Variants in NUDCD3 observed in about 807,000 individuals in gnomAD.
The protein encoded by NUDCD3 is NudC domain containing 3.
In NUDCD3, 13 loss-of-function variants were observed where a neutral mutation model predicts 39.7. The observed-to-expected ratio is 0.33, with a 90% CI of 0.21 to 0.52. The LOEUF (loss-of-function observed/expected upper bound fraction) is 0.52. Ranked by LOEUF, NUDCD3 falls within the 20% of genes least tolerant of loss-of-function variation. The probability of loss-of-function intolerance (pLI) is 0.96; values close to 1 mark genes in which losing one functional copy is unlikely to be tolerated. For synonymous variants in NUDCD3, 175 were observed against 172.4 expected, an observed-to-expected ratio of 1.02 and a Z score of -0.12; for missense variants, 453 against 458.1, an observed-to-expected ratio of 0.99 and a Z score of 0.10.
At chr7:44,408,246 T>C (rs1393176780) in intron 3 of NUDCD3, among the ~76,000 whole-genome samples, 1 of 152,194 alleles carries the variant, frequency 6.6e-6, no homozygotes, top group East Asian at 1.9e-4. Flanking sequence ...TTCTACATTA[T>C]ATATCACTTT....
chr7:44,408,419 T>G (rs1279466842), intron 3 of NUDCD3, among the ~76,000 whole-genome samples: 1 of 152,146 alleles, frequency 6.6e-6, no homozygotes, highest in Non-Finnish European at 1.5e-5. Context: ...GAAAGAGATT[T>G]CTAGACAATA....
intron 2 of NUDCD3, chr7:44,481,530 C>G (rs1800490944): frequency 6.6e-6 from 1 of 152,252 alleles, no homozygotes; most frequent in African/African-American, 2.4e-5. Flanking sequence ...AATACCTTGA[C>G]AGCCATGCCA....
intron 3 of NUDCD3, among the ~76,000 whole-genome samples, chr7:44,423,941 G>A (rs1258197659): frequency 6.6e-6 from 1 of 152,056 alleles, no homozygotes; most frequent in East Asian, 1.9e-4. Context: ...GGTACCAAAA[G>A]AGATATATAA....
rs1798270292 is a variant in NUDCD3, at chr7:44,379,319, T to TC, written c.*6691dup. 7.4e-6 allele frequency: 1 copy of TC among 134,716 alleles called. No homozygotes were observed. The highest frequency in any genetic ancestry group is 2.8e-5 in the African/African-American group (1 of 35,092). 8.3% of individuals were successfully genotyped at this position (134,716 alleles called of 1,614,324 possible). The stretch of plus-strand genomic sequence containing the variant: ...AAAAAAAACTTTTAAAATGACCATA[T>TC]CATGGAAAATTCTGGAGAGCAGTTA... On this transcript the variant is annotated 3_prime_UTR_variant, in exon 6 of 6. Coordinates refer to ENST00000355451, the MANE Select transcript of NUDCD3 (RefSeq NM_015332.4).
intron 2 of NUDCD3, among the ~76,000 whole-genome samples, chr7:44,484,210 T>C (rs962636626): frequency 2.6e-5 from 4 of 152,206 alleles, no homozygotes; most frequent in Middle Eastern, 3.2e-3. Flanking sequence ...TTGCAGACAC[T>C]ACTACAACTC....
chr7:44,480,326 T>C (rs759388276), intron 2 of NUDCD3, among the ~76,000 whole-genome samples: 20 of 152,122 alleles, frequency 1.3e-4, no homozygotes, highest in Non-Finnish European at 1.8e-4. Flanking sequence ...ACAGAAAAAT[T>C]AGAAAATATA....
chr7:44,421,056 A>T (rs1799127408), intron 3 of NUDCD3, among the ~76,000 whole-genome samples: 1 of 152,214 alleles, frequency 6.6e-6, no homozygotes, highest in Non-Finnish European at 1.5e-5. Context: ...CAGATGGGCC[A>T]GGAGTGGTGG....
intron 2 of NUDCD3, among the ~76,000 whole-genome samples, chr7:44,473,959 C>G (rs6943551): frequency 0.13 from 19,548 of 151,956 alleles, 1,666 homozygotes; most frequent in Non-Finnish European, 0.19. Flanking sequence ...AATTAGGACA[C>G]TATAAGAAAA....
chr7:44,412,937 A>G (rs1014398332), intron 3 of NUDCD3, among the ~76,000 whole-genome samples: 5 of 146,114 alleles, frequency 3.4e-5, no homozygotes, highest in Admixed American at 6.7e-5. Context: ...AAAAAAAAAA[A>G]AAAAAGAAAA....
At chr7:44,478,975 G>C (rs1800435605) in intron 2 of NUDCD3, among the ~76,000 whole-genome samples, 1 of 152,180 alleles carries the variant, frequency 6.6e-6, no homozygotes, top group Admixed American at 6.5e-5. Flanking sequence ...GCATGGCTGG[G>C]GAGGCCTCAG....
At chr7:44,483,418 C>G (rs1225116432) in intron 2 of NUDCD3, among the ~76,000 whole-genome samples, 1 of 152,110 alleles carries the variant, frequency 6.6e-6, no homozygotes, top group African/African-American at 2.4e-5. Context: ...GACAAAAAAG[C>G]TGAAAGAATT....
At chr7:44,386,695 G>A (rs931756919) in intron 5 of NUDCD3, among the ~76,000 whole-genome samples, 1 of 152,194 alleles carries the variant, frequency 6.6e-6, no homozygotes, top group Non-Finnish European at 1.5e-5. Flanking sequence ...TGGTAGACCC[G>A]TCAGTCAGGA....
chr7:44,471,005 A>ATTAT (rs1275734471), intron 2 of NUDCD3, among the ~76,000 whole-genome samples: 2 of 152,256 alleles, frequency 1.3e-5, no homozygotes, highest in African/African-American at 2.4e-5. Context: ...AACTTCAATC[A>ATTAT]TTATTTGTTC....
intron 2 of NUDCD3, among the ~76,000 whole-genome samples, chr7:44,471,219 A>G (rs1800249755): frequency 6.6e-6 from 1 of 152,244 alleles, no homozygotes; most frequent in African/African-American, 2.4e-5. Context: ...ATCAAATGGT[A>G]TAGTATTTGC....
intron 2 of NUDCD3, among the ~76,000 whole-genome samples, chr7:44,440,039 A>G (rs1185679072): frequency 6.6e-6 from 1 of 152,178 alleles, no homozygotes; most frequent in African/African-American, 2.4e-5. Context: ...CCATCCTCCT[A>G]GGAAGCAGGA....
chr7:44,434,052 C>A (rs933986725), intron 2 of NUDCD3, among the ~76,000 whole-genome samples: 3 of 152,160 alleles, frequency 2.0e-5, no homozygotes, highest in African/African-American at 7.2e-5. Context: ...ACAAAATAAG[C>A]ATTATTATAA....
intron 2 of NUDCD3, among the ~76,000 whole-genome samples, chr7:44,463,672 A>T (rs1800060945): frequency 6.6e-6 from 1 of 152,186 alleles, no homozygotes; most frequent in Non-Finnish European, 1.5e-5. Flanking sequence ...AATCTTAAAC[A>T]TTAAAAACTG....
chr7:44,485,887 AAC>A (rs1301599672), intron 1 of NUDCD3, among the ~76,000 whole-genome samples: 2 of 152,244 alleles, frequency 1.3e-5, no homozygotes, highest in African/African-American at 2.4e-5. Flanking sequence ...TTTTCTGGGA[AAC>A]AGTCACACCC....
chr7:44,446,172 G>A (rs1160559409), intron 2 of NUDCD3, among the ~76,000 whole-genome samples: 4 of 152,234 alleles, frequency 2.6e-5, no homozygotes, highest in Non-Finnish European at 5.9e-5. Flanking sequence ...GGGTGTCACA[G>A]TTCTCAGCCA....
Sources: allele counts gnomAD v4.1 joint callset (sites outside exome capture counted in the v4.1 genomes callset), GRCh38; gene constraint gnomAD v4.1.1; transcripts MANE v1.5; gene names NCBI Gene and HGNC (gene_info 2026-07-23, HGNC 2026-07-21).